The following NCAM2 variants were observed in gnomAD, a reference collection of about 807,000 sequenced individuals.
NCAM2 encodes neural cell adhesion molecule 2.
NCAM2 carries 30 observed loss-of-function variants against 98.1 expected under a neutral mutation model. The observed-to-expected ratio is 0.31, with a 90% CI of 0.23 to 0.41. NCAM2 has a LOEUF of 0.41. Among genes scored for constraint, NCAM2 ranks in the 10% least tolerant of loss-of-function variants. The pLI, the probability that NCAM2 is intolerant of heterozygous loss-of-function variation, is 1.00. For synonymous variants in NCAM2, 368 were observed against 342.4 expected (o/e 1.07, Z -0.83); for missense variants, 867 against 1,005.8 (o/e 0.86, Z 1.87).
chr21:21,192,124 G>A (rs1188026529), intron 1 of NCAM2, among the ~76,000 whole-genome samples: 2 of 152,172 alleles, frequency 1.3e-5, no homozygotes, highest in Non-Finnish European at 2.9e-5. Context: ...CCGGTAGGCT[G>A]AAGCAGGAGA....
chr21:21,337,888 T>C (rs1434029796), intron 7 of NCAM2, among the ~76,000 whole-genome samples: 1 of 152,098 alleles, frequency 6.6e-6, no homozygotes, highest in Non-Finnish European at 1.5e-5. Flanking sequence ...TGCTACATTT[T>C]CAGGATATAT....
At chr21:21,029,118 C>T (rs1477657871) in intron 1 of NCAM2, among the ~76,000 whole-genome samples, 1 of 152,196 alleles carries the variant, frequency 6.6e-6, no homozygotes, top group Non-Finnish European at 1.5e-5. Context: ...CAGAAACCCA[C>T]AATCTTTGTT....
At position 21,148,501 on chromosome 21, in the gene NCAM2, G is replaced by A. The variant is rs116302757; in HGVS notation, c.56-132077G>A. Among the ~76,000 whole-genome samples the A allele has an allele frequency of 2.5e-3, 388 of 152,250 alleles. 3 individuals carry two copies. Among genetic ancestry groups the A allele is most frequent in the African/African-American group, 8.9e-3 (368 of 41,542 alleles). On this transcript the variant is annotated intron_variant, in intron 1 of 17. Coordinates refer to ENST00000400546, the MANE Select transcript of NCAM2 (RefSeq NM_004540.5). ...AGGGAGAAGAAGATACTGTTAAAGT[G>A]GAGATTTTAAAATAAACCTAAAGTG...
At chr21:21,503,976 C>T (rs1312404707) in intron 15 of NCAM2, among the ~76,000 whole-genome samples, 2 of 151,728 alleles carry the variant, frequency 1.3e-5, no homozygotes, top group Non-Finnish European at 2.9e-5. Context: ...AAATAATTTA[C>T]ATTGATGTTT....
intron 1 of NCAM2, among the ~76,000 whole-genome samples, chr21:21,229,031 G>A (rs1237162013): frequency 1.3e-5 from 2 of 151,430 alleles, no homozygotes; most frequent in African/African-American, 4.8e-5. Flanking sequence ...CAAAATGTAT[G>A]TGTGTATGTT....
intron 1 of NCAM2, among the ~76,000 whole-genome samples, chr21:21,016,560 C>A (rs1233337661): frequency 6.6e-6 from 1 of 151,978 alleles, no homozygotes; most frequent in African/African-American, 2.4e-5. Context: ...TGTCTTCTAC[C>A]AGCCAAGTTG....
Position 21,373,852 on chromosome 21 carries a change from G to C in NCAM2, c.1045-11G>C. ...ATAAAATCTTTCTTTTTCCTGAATC[G>C]ATGTAAACAGAGCCTGGACGGCCGT... On this transcript the variant is annotated splice_polypyrimidine_tract_variant and intron_variant, in intron 8 of 17. Transcript: ENST00000400546. 6.3e-7 allele frequency: 1 copy of C among 1,592,374 alleles called. No homozygotes were observed. Among genetic ancestry groups the C allele is most frequent in the South Asian group, 1.1e-5 (1 of 88,066 alleles).
At chr21:21,327,164 C>A (rs1278680522) in intron 6 of NCAM2, among the ~76,000 whole-genome samples, 1 of 152,090 alleles carries the variant, frequency 6.6e-6, no homozygotes, top group Non-Finnish European at 1.5e-5. Flanking sequence ...GGTGAAATCC[C>A]ATGCATGGTG....
chr21:21,322,196 A>C (rs928402634), intron 5 of NCAM2, among the ~76,000 whole-genome samples: 1 of 152,154 alleles, frequency 6.6e-6, no homozygotes, highest in Non-Finnish European at 1.5e-5. Flanking sequence ...CCGTAATCCT[A>C]AGCAAATTCA....
chr21:21,377,970 C>A (rs2076070036), intron 9 of NCAM2, among the ~76,000 whole-genome samples: 1 of 151,890 alleles, frequency 6.6e-6, no homozygotes, highest in African/African-American at 2.4e-5. Context: ...TAACTGAACA[C>A]CAGTGTCCTC....
At chr21:21,079,579 T>C (rs577136022) in intron 1 of NCAM2, among the ~76,000 whole-genome samples, 3 of 150,740 alleles carry the variant, frequency 2.0e-5, no homozygotes, top group Admixed American at 6.6e-5. Flanking sequence ...TCTTGCCCCC[T>C]TTTTTTTTAG....
intron 1 of NCAM2, among the ~76,000 whole-genome samples, chr21:21,026,786 T>A (rs2064554766): frequency 6.6e-6 from 1 of 152,098 alleles, no homozygotes; most frequent in Non-Finnish European, 1.5e-5. Context: ...TCTATATTTT[T>A]ATTTTCACCA....
At chr21:21,370,876 TATGTATGTATTGCCTTTTATAATTATTAC>T (rs1487234106) in intron 8 of NCAM2, among the ~76,000 whole-genome samples, 2 of 151,968 alleles carry the variant, frequency 1.3e-5, no homozygotes, top group Non-Finnish European at 2.9e-5. Flanking sequence ...TAATTTATCA[TATGTATGTATTGCCTTTTATAATTATTAC>T]ATTCAATTCC....
At chr21:21,224,558 T>G (rs933273090) in intron 1 of NCAM2, among the ~76,000 whole-genome samples, 1 of 152,142 alleles carries the variant, frequency 6.6e-6, no homozygotes, top group African/African-American at 2.4e-5. Flanking sequence ...TATAAAAATT[T>G]GCCTCTAAAT....
At chr21:21,058,314 CTTG>C (rs2065254786) in intron 1 of NCAM2, among the ~76,000 whole-genome samples, 1 of 152,026 alleles carries the variant, frequency 6.6e-6, no homozygotes. Context: ...TGTATGTGTG[CTTG>C]TTGTATGACA....
At chr21:21,517,894 C>G (rs1202628808) in intron 16 of NCAM2, among the ~76,000 whole-genome samples, 1 of 151,990 alleles carries the variant, frequency 6.6e-6, no homozygotes, top group Non-Finnish European at 1.5e-5. Context: ...TAAGAGAGTA[C>G]CATTTTCAGC....
At chr21:21,073,865 T>C (rs944848996) in intron 1 of NCAM2, among the ~76,000 whole-genome samples, 3 of 152,162 alleles carry the variant, frequency 2.0e-5, no homozygotes, top group Admixed American at 6.5e-5. Flanking sequence ...GAATATATGT[T>C]AGGCAGGTTT....
At chr21:21,334,100 T>C (rs1187893187) in intron 6 of NCAM2, among the ~76,000 whole-genome samples, 1 of 151,984 alleles carries the variant, frequency 6.6e-6, no homozygotes, top group African/African-American at 2.4e-5. Context: ...GCCAGGCTAG[T>C]CTTTGTATTT....
chr21:21,413,745 G>T (rs1182037126), intron 10 of NCAM2, among the ~76,000 whole-genome samples: 1 of 152,132 alleles, frequency 6.6e-6, no homozygotes, highest in African/African-American at 2.4e-5. Flanking sequence ...TTTTTCATTG[G>T]TGAAGCGTTT....
Sources: gnomAD v4.1 joint callset for allele counts (sites outside exome capture counted in the v4.1 genomes callset) on GRCh38, gnomAD v4.1.1 for gene constraint, MANE v1.5 for transcripts, NCBI Gene and HGNC (gene_info 2026-07-23, HGNC 2026-07-21) for gene names.